The following FRAS1 variants were observed in gnomAD, a reference collection of about 807,000 sequenced individuals.
FRAS1 encodes the protein extracellular matrix organizing protein FRAS1.
Under a neutral mutation model 435.2 loss-of-function variants are expected in FRAS1, and 290 were observed. The observed-to-expected ratio is 0.67, with a 90% CI of 0.61 to 0.73. The LOEUF (loss-of-function observed/expected upper bound fraction) is 0.73, where lower values mean the gene tolerates loss of function less well. Ranked by LOEUF, FRAS1 falls within the 30% of genes least tolerant of loss-of-function variation. The pLI, the probability that FRAS1 is intolerant of heterozygous loss-of-function variation, is 0.00. For synonymous variants in FRAS1, 1,800 were observed against 1,851.0 expected, an observed-to-expected ratio of 0.97 and a Z score of 0.71; for missense variants, 4,860 against 5,001.5, an observed-to-expected ratio of 0.97 and a Z score of 0.85.
chr4:78,315,819 G>C, intron 16 of FRAS1, 85 bp downstream of exon 16: 26 of 1,419,888 alleles, frequency 1.8e-5, no homozygotes, highest in Non-Finnish European at 2.6e-5. Context: ...GCTAATTTGG[G>C]AACTCGAGTG....
chr4:78,537,469 C>T (rs61346341), intron 72 of FRAS1, among the ~76,000 whole-genome samples: 21,936 of 152,198 alleles, frequency 0.14, 1,887 homozygotes, highest in Non-Finnish European at 0.21. Context: ...GGAGTGTCCC[C>T]ATACTCTTTC....
At chr4:78,154,238 G>A (rs1720788155) in intron 2 of FRAS1, among the ~76,000 whole-genome samples, 1 of 152,012 alleles carries the variant, frequency 6.6e-6, no homozygotes, top group African/African-American at 2.4e-5. Flanking sequence ...GTGTTTCATG[G>A]ACACACACAG....
chr4:78,480,209 A>G (rs930542878), intron 56 of FRAS1, among the ~76,000 whole-genome samples: 1 of 152,064 alleles, frequency 6.6e-6, no homozygotes, highest in African/African-American at 2.4e-5. Context: ...AACCATGCCC[A>G]CTTCCCCCCT....
At chr4:78,307,720 A>C in intron 14 of FRAS1, among the ~76,000 whole-genome samples, 1 of 152,212 alleles carries the variant, frequency 6.6e-6, no homozygotes, top group Non-Finnish European at 1.5e-5. Context: ...CGGCTGGCGC[A>C]TGGTGCATGC....
In FRAS1 at chr4:78,499,822, C is replaced by A; in HGVS notation, c.9217C>A (p.Gln3073Lys). ...LNIKVIRRGD[Q>K]NRTSKVRCST... ...CATCAAGGTGATCCGCAGAGGGGAT[C>A]AGAACAGGACCTCCAAGGTTCGCTG... The change falls in exon 61 of 74, where the codon CAG becomes AAG. Residue 3073 changes from glutamine to lysine, a missense_variant. Gln to Lys is a moderately conservative substitution (Grantham distance 53). Transcript: ENST00000512123. 6.2e-7 allele frequency: 1 copy of A among 1,613,838 alleles called. No individual in the cohort carries two copies. The highest frequency in any genetic ancestry group is 2.2e-5 in the East Asian group (1 of 44,868).
intron 9 of FRAS1, among the ~76,000 whole-genome samples, chr4:78,274,707 C>G (rs1726904540): frequency 6.6e-6 from 1 of 152,116 alleles, no homozygotes; most frequent in Non-Finnish European, 1.5e-5. Flanking sequence ...TGTTCTTTTT[C>G]ATTGCTGATG....
intron 2 of FRAS1, among the ~76,000 whole-genome samples, chr4:78,222,528 C>T (rs1429646829): frequency 2.6e-5 from 4 of 152,130 alleles, no homozygotes; most frequent in East Asian, 3.8e-4. Context: ...TATATGCTGG[C>T]GATGCTAATA....
At chr4:78,147,433 A>G (rs1296532409) in intron 2 of FRAS1, among the ~76,000 whole-genome samples, 1 of 152,126 alleles carries the variant, frequency 6.6e-6, no homozygotes, top group East Asian at 1.9e-4. Flanking sequence ...GTAGTTTTTG[A>G]GGGGAAGCCA....
At chr4:78,343,190 C>T (rs968905171) in intron 20 of FRAS1, among the ~76,000 whole-genome samples, 27 of 152,134 alleles carry the variant, frequency 1.8e-4, no homozygotes, top group African/African-American at 6.0e-4. Context: ...CATATGTGTG[C>T]TGTGAATCTT....
At position 78,174,223 on chromosome 4, in the gene FRAS1, C is replaced by T. The variant is rs185416055; in HGVS notation, c.109-63287C>T. Reference sequence around the variant, plus strand: ...GCTTTAACTTGGAAATGTGTTGGCTCATGTTCTTGACTACAAGAAATCACA... The same window carrying T: ...GCTTTAACTTGGAAATGTGTTGGCTTATGTTCTTGACTACAAGAAATCACA... On this transcript the variant is annotated intron_variant, in intron 2 of 73. Transcript: ENST00000512123. Among the ~76,000 whole-genome samples the T allele has an allele frequency of 1.5e-3, 223 of 152,318 alleles. 1 individual carries two copies. The highest frequency in any genetic ancestry group is 5.3e-3 in the African/African-American group (219 of 41,572).
chr4:78,482,638 A>C (rs1720048435), intron 58 of FRAS1, 103 bp downstream of exon 58: 1 of 1,253,530 alleles, frequency 8.0e-7, no homozygotes, highest in Non-Finnish European at 1.1e-6. Context: ...TTCATTCAAG[A>C]AATATGTGTG....
rs368493255 is a variant in FRAS1 at position 78,363,928 on chromosome 4, A to G, written c.2596A>G (p.Thr866Ala). ...TGCAGAATGCCACTCCTCCTGCAGA[A>G]CCTGCCAGGGCAGAGGACCTTTCTC... Reference protein sequence around the residue: ...ACKKCHSSCRTCQGRGPFSCS... With the variant: ...ACKKCHSSCRACQGRGPFSCS... Residue 866 changes from threonine (T) to alanine (A), a missense_variant, in exon 22 of 74, where the codon ACC becomes GCC. By Grantham distance (58) the Thr-to-Ala change is moderately conservative. Transcript: ENST00000512123. 9.3e-6 allele frequency: 15 copies of G among 1,611,390 alleles called. No homozygotes were observed. Among genetic ancestry groups the G allele is most frequent in the Non-Finnish European group, 1.3e-5 (15 of 1,178,882 alleles).
intron 2 of FRAS1, among the ~76,000 whole-genome samples, chr4:78,185,648 T>A (rs1722239566): frequency 6.6e-6 from 1 of 152,250 alleles, no homozygotes; most frequent in African/African-American, 2.4e-5. Flanking sequence ...CATACAGTTT[T>A]ATTTTGAGAA....
At chr4:78,335,346 T>G (rs572879184) in intron 19 of FRAS1, among the ~76,000 whole-genome samples, 1 of 152,324 alleles carries the variant, frequency 6.6e-6, no homozygotes, top group South Asian at 2.1e-4. Flanking sequence ...CGTGGCTAAT[T>G]GTACTTCCTC....
intron 2 of FRAS1, among the ~76,000 whole-genome samples, chr4:78,213,370 A>G (rs188114699): frequency 8.5e-4 from 130 of 152,402 alleles, no homozygotes; most frequent in Non-Finnish European, 1.2e-3. Context: ...GCATGACCCA[A>G]AGGTTACACA....
intron 19 of FRAS1, among the ~76,000 whole-genome samples, chr4:78,337,282 CCTT>C (rs1730206037): frequency 6.6e-6 from 1 of 152,074 alleles, no homozygotes; most frequent in Non-Finnish European, 1.5e-5. Flanking sequence ...CAAAATGTCC[CCTT>C]CTTCTCCCTG....
At chr4:78,489,426 G>A (rs1262067129) in intron 59 of FRAS1, among the ~76,000 whole-genome samples, 2 of 152,066 alleles carry the variant, frequency 1.3e-5, no homozygotes, top group South Asian at 2.1e-4. Flanking sequence ...GTGGAATAGT[G>A]GATCATCATA....
chr4:78,429,151 A>G lies in FRAS1; in HGVS notation c.4768A>G (p.Ser1590Gly), dbSNP rs760728933. The G allele has an allele frequency of 8.2e-6, 13 of 1,590,034 alleles. No homozygotes were observed. In the East Asian group the frequency reaches 3.0e-4, roughly 36 times the overall value. ...EMVLTIHLLP[S>G]DQQLPVFQVT... ...GGTCCTCACCATTCACTTACTTCCCAGTGATCAGCAACTGCCAGTGTTCCA... is the reference window on the plus strand; with the variant it reads ...GGTCCTCACCATTCACTTACTTCCCGGTGATCAGCAACTGCCAGTGTTCCA... The change falls in exon 36 of 74, where the codon AGT (serine) becomes GGT (glycine). Residue 1590 changes from serine (S) to glycine (G), a missense_variant. Transcript: ENST00000512123.
In FRAS1 at chr4:78,317,949, A is replaced by G. The variant is rs565058541; in HGVS notation, c.1960+441A>G. ...GAAAAATCTTAAATAGCTGTTTACC[A>G]TAAAGGCTTTGGGCTGCTTGGGAGG... On this transcript the variant is annotated intron_variant, in intron 17 of 73. Transcript: ENST00000512123. 2.4e-4 allele frequency among the ~76,000 whole-genome samples: 36 copies of G among 152,338 alleles called. No individual in the cohort carries two copies. In the East Asian group the frequency reaches 4.8e-3, roughly 20 times the overall value.
Sources: allele counts gnomAD v4.1 joint callset (sites outside exome capture counted in the v4.1 genomes callset), GRCh38; gene constraint gnomAD v4.1.1; transcripts MANE v1.5; gene names NCBI Gene and HGNC (gene_info 2026-07-23, HGNC 2026-07-21).